ZNF367: variants seen among roughly 807,000 people sequenced by gnomAD.
ZNF367 encodes the protein zinc finger protein 367, also known as C2H2 zinc finger protein ZFF29.
ZNF367 carries 11 observed loss-of-function variants against 31.8 expected under a neutral mutation model. The observed-to-expected ratio is 0.35, with a 90% CI of 0.22 to 0.57. The LOEUF is 0.57. Ranked by LOEUF, ZNF367 falls within the 20% of genes least tolerant of loss-of-function variation. The probability of loss-of-function intolerance (pLI) is 0.85; values close to 1 mark genes in which losing one functional copy is unlikely to be tolerated. For missense variants in ZNF367, 353 were observed against 484.1 expected (o/e 0.73, Z 2.54); for synonymous variants, 199 against 202.4 (o/e 0.98, Z 0.14).
At chr9:96,406,772 A>G (rs1193448385) in intron 1 of ZNF367, among the ~76,000 whole-genome samples, 1 of 149,770 alleles carries the variant, frequency 6.7e-6, no homozygotes, top group Non-Finnish European at 1.5e-5. Flanking sequence ...AGGCCGAGGC[A>G]GGCGGATCAC....
rs748446446 is a variant in ZNF367 at position 96,394,786 on chromosome 9, A to C, written c.691+37T>G. Reference sequence around the variant, plus strand: ...AGGATATTTTAACTGTTAAGTCACAACTAGTTATTCCATAAACTTAACTTC... The same window carrying C: ...AGGATATTTTAACTGTTAAGTCACACCTAGTTATTCCATAAACTTAACTTC... On this transcript the variant is annotated intron_variant, in intron 3 of 4. Coordinates refer to ENST00000375256, the MANE Select transcript of ZNF367 (RefSeq NM_153695.4). 5.0e-6 allele frequency: 8 copies of C among 1,598,526 alleles called. No homozygotes were observed. The African/African-American group carries it at 1.1e-4, about 21-fold the overall frequency.
chr9:96,391,547 A>G (rs1299509470), intron 4 of ZNF367, among the ~76,000 whole-genome samples: 1 of 152,180 alleles, frequency 6.6e-6, no homozygotes, highest in African/African-American at 2.4e-5. Flanking sequence ...CTATGGCAGC[A>G]CAGCTAGGAA....
intron 1 of ZNF367, among the ~76,000 whole-genome samples, chr9:96,415,386 C>G (rs1438619937): frequency 1.3e-5 from 2 of 149,846 alleles, no homozygotes; most frequent in Non-Finnish European, 1.5e-5. Flanking sequence ...CATCTTACAT[C>G]TCACTAGGGG....
At chr9:96,392,064 C>G (rs1282682126) in intron 4 of ZNF367, among the ~76,000 whole-genome samples, 1 of 152,098 alleles carries the variant, frequency 6.6e-6, no homozygotes, top group African/African-American at 2.4e-5. Context: ...TGGCACGTAG[C>G]TAAGGCTAAC....
At chr9:96,403,813 C>T (rs1045576645) in intron 1 of ZNF367, among the ~76,000 whole-genome samples, 3 of 152,158 alleles carry the variant, frequency 2.0e-5, no homozygotes, top group Non-Finnish European at 4.4e-5. Context: ...TTTCCATATA[C>T]AAAAGGATAA....
chr9:96,389,353 A>T lies in ZNF367; in HGVS notation c.831-894T>A, dbSNP rs118135431. Among the ~76,000 whole-genome samples, 9 of 152,316 alleles carry T rather than the reference A, an allele frequency of 5.9e-5. No homozygotes were observed. The East Asian group carries it at 1.7e-3, about 29-fold the overall frequency. ...TTTAAATGACAGTAACAGATCATAC[A>T]AAACTGTCCATACAAAGCCTTGTAT... On this transcript the variant is annotated intron_variant, in intron 4 of 4. Transcript: ENST00000375256.
chr9:96,400,070 C>T (rs1204357943), intron 1 of ZNF367, among the ~76,000 whole-genome samples: 1 of 152,056 alleles, frequency 6.6e-6, no homozygotes, highest in Non-Finnish European at 1.5e-5. Flanking sequence ...CAGTATGGTA[C>T]ATACACAGGA....
intron 1 of ZNF367, among the ~76,000 whole-genome samples, chr9:96,413,009 TTTC>T (rs1283678623): frequency 2.0e-5 from 3 of 152,280 alleles, no homozygotes; most frequent in East Asian, 3.9e-4. Flanking sequence ...ATAGTATGTA[TTTC>T]TTATGTCTAC....
rs1041791049 is a variant in ZNF367 at position 96,390,966 on chromosome 9, G to A, written c.830+1432C>T. 7.9e-5 allele frequency among the ~76,000 whole-genome samples: 12 copies of A among 151,686 alleles called. 1 individual carries two copies. Among genetic ancestry groups the A allele is most frequent in the Admixed American group, 6.6e-4 (10 of 15,208 alleles). ...ACAATTAGAAATAATGGGGCAGTAG[G>A]AGCTAACCAGGAGAAAGAGGAGGGG... On this transcript the variant is annotated intron_variant, in intron 4 of 4. Coordinates refer to ENST00000375256, the MANE Select transcript of ZNF367 (RefSeq NM_153695.4).
At chr9:96,392,850 C>G (rs1004963560) in intron 3 of ZNF367, among the ~76,000 whole-genome samples, 2 of 152,102 alleles carry the variant, frequency 1.3e-5, no homozygotes, top group Non-Finnish European at 1.5e-5. Context: ...TTTGGGAGGC[C>G]GAGGCAGGCG....
intron 1 of ZNF367, among the ~76,000 whole-genome samples, chr9:96,416,073 T>G (rs527608818): frequency 7.3e-6 from 1 of 137,754 alleles, no homozygotes; most frequent in African/African-American, 2.9e-5. Flanking sequence ...TCTGTTATGG[T>G]TTTTTTTTTT....
chr9:96,391,398 G>C (rs1188719352), intron 4 of ZNF367, among the ~76,000 whole-genome samples: 3 of 152,218 alleles, frequency 2.0e-5, no homozygotes, highest in Non-Finnish European at 4.4e-5. Flanking sequence ...AGGTGAGCAA[G>C]AGGCTTAGCC....
chr9:96,390,289 A>T (rs1831457379), intron 4 of ZNF367, among the ~76,000 whole-genome samples: 1 of 152,214 alleles, frequency 6.6e-6, no homozygotes, highest in Admixed American at 6.5e-5. Flanking sequence ...CTTAAAGTGG[A>T]AAAGTTTTGG....
intron 1 of ZNF367, among the ~76,000 whole-genome samples, chr9:96,414,573 G>A (rs986804506): frequency 6.6e-6 from 1 of 152,094 alleles, no homozygotes; most frequent in Non-Finnish European, 1.5e-5. Context: ...CGTCTCCAGG[G>A]TTCATGTGAT....
At chr9:96,413,735 A>G (rs1007065898) in intron 1 of ZNF367, among the ~76,000 whole-genome samples, 1 of 152,178 alleles carries the variant, frequency 6.6e-6, no homozygotes. Flanking sequence ...TGAGCAGCCA[A>G]AATAAGCTAG....
chr9:96,394,689 C>T, intron 3 of ZNF367, 134 bp downstream of exon 3: 1 of 893,988 alleles, frequency 1.1e-6, no homozygotes, highest in Non-Finnish European at 1.6e-6. Context: ...TCACAATTAT[C>T]AAAGAAGAAA....
chr9:96,407,183 T>TCCCGG, intron 1 of ZNF367: 1 of 688,644 alleles, frequency 1.5e-6, no homozygotes, highest in East Asian at 2.5e-5. Context: ...AGCTTTCCTG[T>TCCCGG]CCCGGCCTGC....
chr9:96,397,939 A>G (rs1183338710), intron 2 of ZNF367, among the ~76,000 whole-genome samples: 1 of 151,666 alleles, frequency 6.6e-6, no homozygotes, highest in African/African-American at 2.4e-5. Flanking sequence ...AAAATACAAA[A>G]ATTAGCTGGG....
At chr9:96,414,349 C>T (rs1181653868) in intron 1 of ZNF367, among the ~76,000 whole-genome samples, 3 of 152,168 alleles carry the variant, frequency 2.0e-5, no homozygotes, top group African/African-American at 4.8e-5. Flanking sequence ...GGAAAAACTA[C>T]ATGAGAAAAG....
Sources: gnomAD v4.1 joint callset for allele counts (sites outside exome capture counted in the v4.1 genomes callset) on GRCh38, gnomAD v4.1.1 for gene constraint, MANE v1.5 for transcripts, NCBI Gene and HGNC (gene_info 2026-07-23, HGNC 2026-07-21) for gene names.